OLFM3: variants seen among roughly 807,000 people sequenced by gnomAD.
OLFM3 encodes the protein olfactomedin 3.
OLFM3 carries 20 observed loss-of-function variants against 48.6 expected under a neutral mutation model. That is an observed-to-expected ratio of 0.41 (90% CI 0.29 to 0.60). The LOEUF is 0.60. Ranked by LOEUF, OLFM3 falls within the 20% of genes least tolerant of loss-of-function variation. The pLI is 0.28. For missense variants in OLFM3, 437 were observed against 544.3 expected, an observed-to-expected ratio of 0.80 and a Z score of 1.96; for synonymous variants, 222 against 198.1, an observed-to-expected ratio of 1.12 and a Z score of -1.01.
intron 1 of OLFM3, among the ~76,000 whole-genome samples, chr1:101,839,448 T>C (rs1351226308): frequency 6.6e-6 from 1 of 152,194 alleles, no homozygotes; most frequent in Non-Finnish European, 1.5e-5. Context: ...CAGTATGCGA[T>C]TGATGTATCT....
intron 1 of OLFM3, among the ~76,000 whole-genome samples, chr1:101,848,543 A>G (rs1570559587): frequency 1.3e-5 from 2 of 151,914 alleles, no homozygotes; most frequent in Admixed American, 1.3e-4. Flanking sequence ...AATGACTTTA[A>G]TCAACTCTTA....
chr1:101,950,084 A>T lies in OLFM3; in HGVS notation c.69+46664T>A, dbSNP rs540938259. 1.5e-4 allele frequency among the ~76,000 whole-genome samples: 22 copies of T among 151,288 alleles called. No homozygotes were observed. In the South Asian group the frequency reaches 4.2e-3, roughly 29 times the overall value. On this transcript the variant is annotated intron_variant, in intron 1 of 5. Coordinates refer to ENST00000370103, the MANE Select transcript of OLFM3 (RefSeq NM_058170.4). ...CTGATGGCTGCAGTTTTTACTGAGG[A>T]TTCAATCTAAAATTTACTTACCATA...
intron 1 of OLFM3, among the ~76,000 whole-genome samples, chr1:101,960,654 A>G (rs780625598): frequency 6.6e-6 from 1 of 152,118 alleles, no homozygotes; most frequent in East Asian, 1.9e-4. Context: ...TGCCTTATTA[A>G]TTCTCATTTT....
At chr1:101,834,796 A>G (rs1192542315) in intron 2 of OLFM3, among the ~76,000 whole-genome samples, 2 of 152,226 alleles carry the variant, frequency 1.3e-5, no homozygotes, top group Non-Finnish European at 2.9e-5. Flanking sequence ...AAACATTCAG[A>G]CAAATTACAT....
chr1:101,889,341 T>A (rs573905903), intron 1 of OLFM3, among the ~76,000 whole-genome samples: 2 of 152,188 alleles, frequency 1.3e-5, no homozygotes, highest in African/African-American at 4.8e-5. Context: ...GATGAGTTCA[T>A]GTCCTTTGTA....
At position 101,881,375 on chromosome 1, in the gene OLFM3, A is replaced by G. The variant is rs1391624081; in HGVS notation, c.70-44350T>C. On this transcript the variant is annotated intron_variant, in intron 1 of 5. Coordinates refer to ENST00000370103, the MANE Select transcript of OLFM3 (RefSeq NM_058170.4). ...AGATATCCTGAACTTAGAGCTCTTC[A>G]ATCCTAAGATCTTCATGAAAAGCCT... 5.3e-5 allele frequency among the ~76,000 whole-genome samples: 8 copies of G among 151,862 alleles called. No individual in the cohort carries two copies. In the Admixed American group the frequency reaches 5.3e-4, roughly 10 times the overall value.
chr1:101,957,384 A>G (rs1244205705), intron 1 of OLFM3, among the ~76,000 whole-genome samples: 2 of 151,992 alleles, frequency 1.3e-5, no homozygotes, highest in Non-Finnish European at 1.5e-5. Flanking sequence ...TTAGCTCACT[A>G]TCCCTAAACC....
At chr1:101,897,578 T>A (rs1290178008) in intron 1 of OLFM3, among the ~76,000 whole-genome samples, 1 of 152,168 alleles carries the variant, frequency 6.6e-6, no homozygotes, top group East Asian at 1.9e-4. Flanking sequence ...AGAGTGCATA[T>A]TTTTTAAAAA....
intron 4 of OLFM3, among the ~76,000 whole-genome samples, chr1:101,814,995 G>C (rs2100876913): frequency 6.6e-6 from 1 of 152,298 alleles, no homozygotes; most frequent in South Asian, 2.1e-4. Context: ...GAGATGAGTA[G>C]TCCAGTAGTC....
intron 1 of OLFM3, among the ~76,000 whole-genome samples, chr1:101,924,035 G>A (rs1659184264): frequency 6.6e-6 from 1 of 152,126 alleles, no homozygotes; most frequent in Non-Finnish European, 1.5e-5. Context: ...GTTGAGAACT[G>A]AAAATTATTC....
chr1:101,857,311 A>G (rs183229085), intron 1 of OLFM3, among the ~76,000 whole-genome samples: 2 of 152,116 alleles, frequency 1.3e-5, no homozygotes, highest in African/African-American at 4.8e-5. Context: ...GACACATAGA[A>G]ATATCTGAGT....
At chr1:101,994,982 T>C (rs960078620) in intron 1 of OLFM3, among the ~76,000 whole-genome samples, 10 of 152,082 alleles carry the variant, frequency 6.6e-5, no homozygotes, top group African/African-American at 1.9e-4. Flanking sequence ...CAAAGATGCA[T>C]TGCTTATTTT....
intron 4 of OLFM3, among the ~76,000 whole-genome samples, chr1:101,816,630 T>C (rs769468329): frequency 2.1e-4 from 32 of 152,188 alleles, no homozygotes; most frequent in Non-Finnish European, 4.4e-4. Flanking sequence ...TTGTATGAAG[T>C]TGGACAATGC....
chr1:101,826,585 G>A (rs979175687), intron 3 of OLFM3, among the ~76,000 whole-genome samples: 2 of 152,166 alleles, frequency 1.3e-5, no homozygotes, highest in African/African-American at 4.8e-5. Context: ...TTCTTGTGGG[G>A]AAATTTCCAC....
chr1:101,928,531 A>C (rs1213296434), intron 1 of OLFM3, among the ~76,000 whole-genome samples: 2 of 152,162 alleles, frequency 1.3e-5, no homozygotes, highest in African/African-American at 4.8e-5. Context: ...TTTCATTCAT[A>C]AGCACTTTTC....
intron 1 of OLFM3, among the ~76,000 whole-genome samples, chr1:101,981,349 A>G (rs1241485859): frequency 6.6e-6 from 1 of 152,212 alleles, no homozygotes; most frequent in South Asian, 2.1e-4. Flanking sequence ...AAGTCTCTGC[A>G]TTCCCATTTT....
intron 1 of OLFM3, among the ~76,000 whole-genome samples, chr1:101,910,793 T>C (rs1303662107): frequency 6.6e-6 from 1 of 152,140 alleles, no homozygotes; most frequent in Non-Finnish European, 1.5e-5. Context: ...AAATTCTTTT[T>C]GATGAGGGAG....
chr1:101,962,970 C>G (rs1337681984), intron 1 of OLFM3, among the ~76,000 whole-genome samples: 1 of 152,220 alleles, frequency 6.6e-6, no homozygotes, highest in Non-Finnish European at 1.5e-5. Flanking sequence ...TTAATTGAAG[C>G]TAACCATTTC....
At chr1:101,901,567 G>A (rs1330157704) in intron 1 of OLFM3, among the ~76,000 whole-genome samples, 2 of 152,046 alleles carry the variant, frequency 1.3e-5, no homozygotes, top group Non-Finnish European at 2.9e-5. Context: ...AATGGAAAAG[G>A]AAGTAGATTA....
Sources: gnomAD v4.1 joint callset for allele counts (sites outside exome capture counted in the v4.1 genomes callset) on GRCh38, gnomAD v4.1.1 for gene constraint, MANE v1.5 for transcripts, NCBI Gene and HGNC (gene_info 2026-07-23, HGNC 2026-07-21) for gene names.